Variants in CPE observed in about 807,000 individuals in gnomAD.
The protein encoded by CPE is carbocypeptidase E.
Under a neutral mutation model 53.5 loss-of-function variants are expected in CPE, and 17 were observed. That is an observed-to-expected ratio of 0.32 (90% confidence interval 0.22 to 0.48). The LOEUF (loss-of-function observed/expected upper bound fraction) is 0.48, where lower values mean the gene tolerates loss of function less well. Among genes scored for constraint, CPE ranks in the 20% least tolerant of loss-of-function variants. CPE has a pLI of 0.99. For missense variants in CPE, 524 were observed against 614.7 expected (o/e 0.85, Z 1.56); for synonymous variants, 226 against 228.8 (o/e 0.99, Z 0.11).
chr4:165,477,447 G>A (rs113995502), intron 3 of CPE, among the ~76,000 whole-genome samples: 1,880 of 152,188 alleles, frequency 0.012, 21 homozygotes, highest in Middle Eastern at 0.027. Context: ...ATAATCATGG[G>A]GTGATATTGC....
chr4:165,467,347 GAC>G (rs1203901663), intron 2 of CPE, among the ~76,000 whole-genome samples: 1 of 152,138 alleles, frequency 6.6e-6, no homozygotes, highest in Non-Finnish European at 1.5e-5. Context: ...AAGAAACTAA[GAC>G]ACAAACACAC....
intron 3 of CPE, among the ~76,000 whole-genome samples, chr4:165,477,713 C>G (rs1463483513): frequency 2.7e-5 from 4 of 149,700 alleles, no homozygotes; most frequent in Admixed American, 6.6e-5. Flanking sequence ...ATTCCTCCTC[C>G]TTTGTATAGC....
At chr4:165,490,423 G>A (rs963414840) in intron 6 of CPE, among the ~76,000 whole-genome samples, 1 of 151,968 alleles carries the variant, frequency 6.6e-6, no homozygotes, top group Admixed American at 6.6e-5. Context: ...CATGAGGTCA[G>A]GAGATCAAGA....
At chr4:165,407,220 G>T (rs532953483) in intron 1 of CPE, among the ~76,000 whole-genome samples, 3 of 152,234 alleles carry the variant, frequency 2.0e-5, no homozygotes, top group African/African-American at 7.2e-5. Flanking sequence ...GTGTACAAAG[G>T]TTCCAATTTC....
At chr4:165,451,648 C>T (rs561655884) in intron 1 of CPE, among the ~76,000 whole-genome samples, 4 of 152,146 alleles carry the variant, frequency 2.6e-5, no homozygotes, top group Non-Finnish European at 4.4e-5. Context: ...CATGCCACCA[C>T]GGCTGGCTAA....
intron 1 of CPE, among the ~76,000 whole-genome samples, chr4:165,425,234 C>T (rs1010283788): frequency 1.7e-4 from 26 of 151,928 alleles, no homozygotes; most frequent in African/African-American, 6.0e-4. Flanking sequence ...GACTTAAAAC[C>T]TCTTTATTAT....
intron 1 of CPE, among the ~76,000 whole-genome samples, chr4:165,440,459 CCCCCACACA>C (rs1445794262): frequency 6.9e-6 from 1 of 144,374 alleles, no homozygotes; most frequent in Non-Finnish European, 1.5e-5. Context: ...ACCCCACCCC[CCCCCACACA>C]CACAAGCTGT....
intron 1 of CPE, among the ~76,000 whole-genome samples, chr4:165,389,139 A>C (rs1428764324): frequency 2.0e-5 from 3 of 152,232 alleles, no homozygotes; most frequent in Non-Finnish European, 4.4e-5. Context: ...TCTCATGTGA[A>C]TACTATTACA....
At chr4:165,479,131 G>A (rs944199184) in intron 3 of CPE, among the ~76,000 whole-genome samples, 5 of 152,170 alleles carry the variant, frequency 3.3e-5, no homozygotes, top group African/African-American at 1.2e-4. Context: ...GAATATTATA[G>A]AAGAGTGTGT....
chr4:165,434,120 T>TC (rs1325486695), intron 1 of CPE, among the ~76,000 whole-genome samples: 1 of 151,782 alleles, frequency 6.6e-6, no homozygotes, highest in Non-Finnish European at 1.5e-5. Context: ...TCCATACTTT[T>TC]TTTTCATTTA....
intron 8 of CPE, among the ~76,000 whole-genome samples, chr4:165,496,948 A>T (rs1016510372): frequency 6.6e-6 from 1 of 152,114 alleles, no homozygotes; most frequent in African/African-American, 2.4e-5. Flanking sequence ...TTTGAGACAG[A>T]GTCTTGCTCT....
chr4:165,456,300 G>A (rs564358919), intron 1 of CPE, among the ~76,000 whole-genome samples: 64 of 152,100 alleles, frequency 4.2e-4, no homozygotes, highest in Non-Finnish European at 8.5e-4. Flanking sequence ...GTAACTGCTA[G>A]GATAACTTAT....
chr4:165,406,009 G>C (rs1322536527), intron 1 of CPE: 1 of 752,622 alleles, frequency 1.3e-6, no homozygotes, highest in Admixed American at 1.7e-5. Context: ...CTTCTTGAGG[G>C]GTCTTGCAAG....
chr4:165,472,903 T>C (rs1732233857), intron 3 of CPE, among the ~76,000 whole-genome samples: 1 of 152,230 alleles, frequency 6.6e-6, no homozygotes, highest in Non-Finnish European at 1.5e-5. Flanking sequence ...CTTTTACTTT[T>C]GGTGAAAAAC....
chr4:165,425,200 G>A (rs1405572545), intron 1 of CPE, among the ~76,000 whole-genome samples: 2 of 151,860 alleles, frequency 1.3e-5, no homozygotes, highest in African/African-American at 2.4e-5. Context: ...TAATTCCACT[G>A]TTGCTTACTA....
intron 2 of CPE, among the ~76,000 whole-genome samples, chr4:165,467,458 T>C (rs1732127996): frequency 6.6e-6 from 1 of 152,248 alleles, no homozygotes; most frequent in Non-Finnish European, 1.5e-5. Flanking sequence ...CACTGCTGTA[T>C]AGTCTGTCAG....
chr4:165,383,584 T>G (rs1022846884), intron 1 of CPE, among the ~76,000 whole-genome samples: 1 of 152,266 alleles, frequency 6.6e-6, no homozygotes, highest in African/African-American at 2.4e-5. Flanking sequence ...AGCAGGATTT[T>G]TCTTTCTCAA....
intron 1 of CPE, chr4:165,418,099 A>G (rs35200071): frequency 0.3 from 44,940 of 152,076 alleles, 6,726 homozygotes; most frequent in Middle Eastern, 0.39. Flanking sequence ...TCAGAATAAT[A>G]GACTCAGGAA....
chr4:165,441,461 C>G (rs2126685523), intron 1 of CPE, among the ~76,000 whole-genome samples: 1 of 152,282 alleles, frequency 6.6e-6, no homozygotes, highest in East Asian at 1.9e-4. Flanking sequence ...GAGCAGACCA[C>G]TGTGGTACTG....
Sources: gnomAD v4.1 joint callset for allele counts (sites outside exome capture counted in the v4.1 genomes callset) on GRCh38, gnomAD v4.1.1 for gene constraint, MANE v1.5 for transcripts, NCBI Gene and HGNC (gene_info 2026-07-23, HGNC 2026-07-21) for gene names.